The following ADGRL3 variants were observed in gnomAD, a reference collection of about 807,000 sequenced individuals.
ADGRL3 encodes calcium-independent alpha-latrotoxin receptor 3.
Under a neutral mutation model 153.5 loss-of-function variants are expected in ADGRL3, and 62 were observed. That is an observed-to-expected ratio of 0.40 (90% confidence interval 0.33 to 0.50). The LOEUF (loss-of-function observed/expected upper bound fraction) is 0.50, where lower values mean the gene tolerates loss of function less well. ADGRL3 is among the 20% of genes least tolerant of loss of function. ADGRL3 has a pLI of 0.47. For missense variants in ADGRL3, 1,641 were observed against 1,859.4 expected (o/e 0.88, Z 2.16); for synonymous variants, 710 against 672.5 (o/e 1.06, Z -0.86).
At position 62,020,866 on chromosome 4, in the gene ADGRL3, A is replaced by G. The variant is rs376436994; in HGVS notation, c.3396-7989A>G. 1.6e-3 allele frequency among the ~76,000 whole-genome samples: 242 copies of G among 152,164 alleles called. 1 individual carries two copies. Among genetic ancestry groups the G allele is most frequent in the African/African-American group, 5.6e-3 (232 of 41,552 alleles). On this transcript the variant is annotated intron_variant, in intron 21 of 26. Coordinates refer to ENST00000683033, the MANE Select transcript of ADGRL3 (RefSeq NM_001387552.1). ...TCATGTAAACTAAAGTACTTTGGTT[A>G]TCTCTTTTAATGTTCATTAGGAATT... is the stretch of plus-strand genomic sequence containing the variant.
At chr4:61,773,982 A>G (rs1030878411) in intron 8 of ADGRL3, among the ~76,000 whole-genome samples, 1 of 152,192 alleles carries the variant, frequency 6.6e-6, no homozygotes, top group Non-Finnish European at 1.5e-5. Context: ...CCTTATCTGC[A>G]GTTTTGCTAT....
intron 1 of ADGRL3, among the ~76,000 whole-genome samples, chr4:61,339,433 A>G (rs1462841543): frequency 6.6e-6 from 1 of 152,190 alleles, no homozygotes; most frequent in Non-Finnish European, 1.5e-5. Flanking sequence ...GTCCACCGTC[A>G]TTTTAGAAAC....
intron 2 of ADGRL3, among the ~76,000 whole-genome samples, chr4:61,396,762 A>G (rs1242476049): frequency 8.6e-5 from 13 of 151,840 alleles, no homozygotes; most frequent in Non-Finnish European, 1.2e-4. Flanking sequence ...TTTTTTTTCC[A>G]GCAAATGGAT....
chr4:61,845,167 T>G (rs942037378), intron 9 of ADGRL3, among the ~76,000 whole-genome samples: 2 of 152,174 alleles, frequency 1.3e-5, no homozygotes, highest in African/African-American at 4.8e-5. Context: ...TGCATTTTAA[T>G]TTTCTTTGAT....
chr4:61,892,720 A>G lies in ADGRL3; in HGVS notation c.1545A>G (p.Thr515=), dbSNP rs746930203. 1 of 1,613,940 alleles carries G rather than the reference A, an allele frequency of 6.2e-7. No individual in the cohort carries two copies. Among genetic ancestry groups the G allele is most frequent in the Non-Finnish European group, 8.5e-7 (1 of 1,179,844 alleles). The part of the protein sequence containing the change: ...STTTSTTLRT[T]TLSPGRSTTP... ...CCACCAGTACCACCCTTCGGACCACAACTTTGAGCCCAGGAAGGAGTACCA... is the reference window on the plus strand; with the variant it reads ...CCACCAGTACCACCCTTCGGACCACGACTTTGAGCCCAGGAAGGAGTACCA... Residue 515 remains threonine (T), a synonymous_variant, in exon 10 of 27, where the codon ACA becomes ACG. Transcript: ENST00000683033.
chr4:61,814,980 C>G (rs968204449), intron 9 of ADGRL3, among the ~76,000 whole-genome samples: 1 of 151,982 alleles, frequency 6.6e-6, no homozygotes, highest in African/African-American at 2.4e-5. Context: ...TTATTTTTCC[C>G]TGAGCCATCG....
intron 13 of ADGRL3, among the ~76,000 whole-genome samples, chr4:61,922,331 A>G (rs1581473342): frequency 6.6e-6 from 1 of 152,146 alleles, no homozygotes; most frequent in Non-Finnish European, 1.5e-5. Flanking sequence ...TATTTTTTGA[A>G]ACAGTTTTAG....
At chr4:61,833,112 T>A (rs1276171386) in intron 9 of ADGRL3, among the ~76,000 whole-genome samples, 1 of 152,210 alleles carries the variant, frequency 6.6e-6, no homozygotes, top group Non-Finnish European at 1.5e-5. Context: ...TTCAAATTTA[T>A]TCCATTTTTG....
chr4:61,640,281 CA>C (rs1243674978), intron 5 of ADGRL3, among the ~76,000 whole-genome samples: 4 of 152,018 alleles, frequency 2.6e-5, no homozygotes, highest in African/African-American at 9.7e-5. Context: ...AGGTTTGTAA[CA>C]GGTGTTTTAT....
chr4:61,374,621 A>T (rs2096582193), intron 1 of ADGRL3, among the ~76,000 whole-genome samples: 4 of 152,056 alleles, frequency 2.6e-5, no homozygotes, highest in Admixed American at 2.6e-4. Context: ...GCAATGTGGG[A>T]AGGGGGCAGA....
intron 2 of ADGRL3, among the ~76,000 whole-genome samples, chr4:61,384,934 G>A (rs1447177290): frequency 6.6e-6 from 1 of 152,050 alleles, no homozygotes; most frequent in African/African-American, 2.4e-5. Context: ...ACTGCTAACG[G>A]ATACAAGGTT....
At chr4:61,387,258 T>G (rs2096748463) in intron 2 of ADGRL3, among the ~76,000 whole-genome samples, 1 of 152,008 alleles carries the variant, frequency 6.6e-6, no homozygotes, top group Non-Finnish European at 1.5e-5. Flanking sequence ...TAATAGAATA[T>G]CACAAGGCAA....
intron 1 of ADGRL3, among the ~76,000 whole-genome samples, chr4:61,252,661 C>A (rs114779146): frequency 0.019 from 2,828 of 148,370 alleles, 94 homozygotes; most frequent in African/African-American, 0.066. Flanking sequence ...TAGATCGTTT[C>A]TGATTTCGTT....
intron 13 of ADGRL3, among the ~76,000 whole-genome samples, chr4:61,925,631 CAA>C (rs1491330789): frequency 4.6e-5 from 7 of 152,114 alleles, no homozygotes; most frequent in Admixed American, 3.9e-4. Flanking sequence ...AAAGCAGGAG[CAA>C]GAGAGAGAGA....
intron 1 of ADGRL3, among the ~76,000 whole-genome samples, chr4:61,332,031 A>G (rs1028192040): frequency 3.9e-5 from 6 of 152,100 alleles, no homozygotes; most frequent in Non-Finnish European, 5.9e-5. Context: ...AAAATTTTAA[A>G]TTATTTGCTT....
chr4:61,865,756 C>T (rs1050107880), intron 9 of ADGRL3, among the ~76,000 whole-genome samples: 1 of 152,142 alleles, frequency 6.6e-6, no homozygotes, highest in Non-Finnish European at 1.5e-5. Flanking sequence ...TAGACTACCT[C>T]TGACTCCTAC....
intron 8 of ADGRL3, among the ~76,000 whole-genome samples, chr4:61,793,886 A>G (rs781733770): frequency 2.6e-5 from 4 of 152,220 alleles, no homozygotes; most frequent in Non-Finnish European, 5.9e-5. Context: ...CTATACTATG[A>G]ATGAGAATGT....
At chr4:61,327,301 A>G (rs1251821756) in intron 1 of ADGRL3, among the ~76,000 whole-genome samples, 6 of 148,874 alleles carry the variant, frequency 4.0e-5, no homozygotes, top group Non-Finnish European at 8.9e-5. Context: ...TCTATCTAGT[A>G]TAAGCTACAC....
intron 6 of ADGRL3, among the ~76,000 whole-genome samples, chr4:61,696,670 CTTTTTTTTTTT>C (rs34306284): frequency 1.2e-4 from 12 of 102,014 alleles, no homozygotes; most frequent in African/African-American, 4.7e-4. Flanking sequence ...TTTTTTTAAC[CTTTTTTTTTTT>C]TTTTTTTTTT....
Sources: allele counts gnomAD v4.1 joint callset (sites outside exome capture counted in the v4.1 genomes callset), GRCh38; gene constraint gnomAD v4.1.1; transcripts MANE v1.5; gene names NCBI Gene and HGNC (gene_info 2026-07-23, HGNC 2026-07-21).